Variants in AOPEP observed in about 807,000 individuals in gnomAD.
AOPEP encodes aminopeptidase O (putative).
Under a neutral mutation model 98.1 loss-of-function variants are expected in AOPEP, and 77 were observed. The observed-to-expected ratio is 0.78, with a 90% CI of 0.65 to 0.95. The LOEUF is 0.95. Among genes scored for constraint, AOPEP ranks in the 40% least tolerant of loss-of-function variants. The pLI is 0.00. For synonymous variants in AOPEP, 346 were observed against 365.3 expected (o/e 0.95, Z 0.60); for missense variants, 1,024 against 1,024.7 (o/e 1.00, Z 0.01).
At chr9:94,821,202 C>G in intron 5 of AOPEP, among the ~76,000 whole-genome samples, 1 of 151,886 alleles carries the variant, frequency 6.6e-6, no homozygotes, top group East Asian at 1.9e-4. Context: ...TTAGGTGGTG[C>G]CTTGGCGTTG....
intron 13 of AOPEP, among the ~76,000 whole-genome samples, chr9:95,024,367 C>G (rs904917895): frequency 6.6e-6 from 1 of 152,306 alleles, no homozygotes; most frequent in East Asian, 1.9e-4. Context: ...TCCACAAGCT[C>G]GTGAGCAGCC....
chr9:95,082,453 G>A (rs1007951579), intron 15 of AOPEP, 122 bp from the exon 16 acceptor site: 52 of 1,096,614 alleles, frequency 4.7e-5, no homozygotes, highest in Non-Finnish European at 6.4e-5. Flanking sequence ...TGTCTTCTCT[G>A]GGGTCTTTGC....
At chr9:95,120,573 C>G in the AOPEP span, among the ~76,000 whole-genome samples, 52 of 151,946 alleles carry the variant, frequency 3.4e-4, no homozygotes, top group African/African-American at 1.2e-3. Flanking sequence ...ATCACCATGC[C>G]CAGCTAATTT....
chr9:95,012,997 G>GT (rs1451983486), intron 13 of AOPEP, among the ~76,000 whole-genome samples: 3 of 130,842 alleles, frequency 2.3e-5, no homozygotes, highest in Non-Finnish European at 4.9e-5. Flanking sequence ...TGGGGGGGGG[G>GT]GCAGGGCGAT....
At chr9:94,735,413 G>T (rs939816917) in intron 1 of AOPEP, among the ~76,000 whole-genome samples, 1 of 152,042 alleles carries the variant, frequency 6.6e-6, no homozygotes, top group Non-Finnish European at 1.5e-5. Context: ...GTAGAGACAG[G>T]GTTTCACCGT....
chr9:94,818,493 T>C (rs1056848229), intron 5 of AOPEP, among the ~76,000 whole-genome samples: 2 of 152,208 alleles, frequency 1.3e-5, no homozygotes, highest in East Asian at 3.8e-4. Context: ...ATTGTACACA[T>C]TGGAATTTCT....
chr9:94,933,061 T>A, intron 7 of AOPEP: 2 of 985,578 alleles, frequency 2.0e-6, no homozygotes, highest in African/African-American at 1.7e-5. Context: ...ACTCTTCATC[T>A]CCTCTCTGGC....
chr9:95,110,180 C>T, the AOPEP span: 6 of 909,720 alleles, frequency 6.6e-6, no homozygotes, highest in Non-Finnish European at 7.9e-6. Context: ...TAAAAAAGGA[C>T]CAAGTTAGCT....
intron 14 of AOPEP, among the ~76,000 whole-genome samples, chr9:95,073,249 C>G (rs568555865): frequency 6.8e-4 from 103 of 152,158 alleles, no homozygotes; most frequent in Non-Finnish European, 1.3e-3. Flanking sequence ...GCCCTCCCTG[C>G]ATGTTGACGC....
intron 1 of AOPEP, among the ~76,000 whole-genome samples, chr9:94,744,168 G>A (rs914667611): frequency 7.2e-5 from 11 of 152,160 alleles, no homozygotes; most frequent in African/African-American, 9.6e-5. Flanking sequence ...TGAGGCGGGC[G>A]GATCACGAGG....
intron 1 of AOPEP, among the ~76,000 whole-genome samples, chr9:94,727,086 C>A (rs542345268): frequency 1.1e-4 from 16 of 152,332 alleles, no homozygotes; most frequent in Middle Eastern, 3.4e-3. Flanking sequence ...GGTCACCTGC[C>A]GGTCTCGGCT....
intron 11 of AOPEP, among the ~76,000 whole-genome samples, chr9:95,004,479 G>A (rs1226211490): frequency 6.6e-6 from 1 of 152,086 alleles, no homozygotes; most frequent in Non-Finnish European, 1.5e-5. Flanking sequence ...GCCCCGAGGG[G>A]CCACTGGGAA....
chr9:94,911,100 C>T (rs1331348178), intron 5 of AOPEP, among the ~76,000 whole-genome samples: 2 of 152,144 alleles, frequency 1.3e-5, no homozygotes, highest in Admixed American at 6.5e-5. Flanking sequence ...CTGTCTATCC[C>T]CTGGAAGACC....
chr9:94,994,738 G>A (rs566165220), intron 11 of AOPEP, among the ~76,000 whole-genome samples: 6 of 152,102 alleles, frequency 3.9e-5, no homozygotes, highest in African/African-American at 1.2e-4. Flanking sequence ...GATCACCTGA[G>A]GTCAGGAGTT....
chr9:94,985,898 C>G (rs1380422127), intron 11 of AOPEP, among the ~76,000 whole-genome samples: 1 of 152,220 alleles, frequency 6.6e-6, no homozygotes, highest in Non-Finnish European at 1.5e-5. Context: ...AAGCACCTGG[C>G]CCCCTCCATA....
In AOPEP at chr9:94,843,750, C is replaced by T. The variant is rs187629262; in HGVS notation, c.1364+42748C>T. Among the ~76,000 whole-genome samples the T allele has an allele frequency of 3.9e-4, 59 of 152,276 alleles. 1 individual carries two copies. The highest frequency in any genetic ancestry group is 6.8e-4 in the Non-Finnish European group (46 of 68,010). The stretch of plus-strand genomic sequence containing the variant: ...GCCTCTTGAATACCCCATTACTATT[C>T]AGAAAGGAAAAGATTGTACTGTTTC... On this transcript the variant is annotated intron_variant, in intron 5 of 16. Coordinates refer to ENST00000375315, the MANE Select transcript of AOPEP (RefSeq NM_001193329.3).
downstream of AOPEP, among the ~76,000 whole-genome samples, chr9:95,090,333 G>A (rs561415849): frequency 3.3e-5 from 5 of 152,358 alleles, no homozygotes; most frequent in South Asian, 2.1e-4. Flanking sequence ...CCCTGAGGCC[G>A]CAGAGATGCC....
chr9:95,110,171 A>T, the AOPEP span: 9 of 868,860 alleles, frequency 1.0e-5, no homozygotes, highest in Non-Finnish European at 1.3e-5. Flanking sequence ...ATTTTTTCAT[A>T]AAAAAGGACC....
intron 16 of AOPEP, chr9:95,085,499 G>A (rs774609102): frequency 1.1e-5 from 6 of 531,084 alleles, no homozygotes; most frequent in South Asian, 2.8e-5. Context: ...ATTGGTTTCC[G>A]CTTTGTTCAC....
Sources: allele counts gnomAD v4.1 joint callset (sites outside exome capture counted in the v4.1 genomes callset), GRCh38; gene constraint gnomAD v4.1.1; transcripts MANE v1.5; gene names NCBI Gene and HGNC (gene_info 2026-07-23, HGNC 2026-07-21).